SLAIN2: variants seen among roughly 807,000 people sequenced by gnomAD.
SLAIN2 encodes the protein SLAIN motif-containing protein 2.
A neutral mutation model predicts 56.6 loss-of-function variants in SLAIN2; 31 were observed. The observed-to-expected ratio is 0.55, with a 90% CI of 0.41 to 0.74. SLAIN2 has a LOEUF of 0.74. SLAIN2 is among the 30% of genes least tolerant of loss of function. The pLI is 0.00. For synonymous variants in SLAIN2, 317 were observed against 284.9 expected (o/e 1.11, Z -1.13); for missense variants, 777 against 754.2 (o/e 1.03, Z -0.35).
At chr4:48,362,732 C>CTTTTTTTTTTTTTTTTATTCTTT (rs397716685) in intron 1 of SLAIN2, among the ~76,000 whole-genome samples, 1 of 116,412 alleles carries the variant, frequency 8.6e-6, no homozygotes, top group African/African-American at 3.3e-5. Context: ...TTTTAAATTT[C>CTTTTTTTTTTTTTTTTATTCTTT]TTTTTTTTTT....
chr4:48,405,398 G>A (rs1019614453), intron 6 of SLAIN2, among the ~76,000 whole-genome samples: 13 of 151,516 alleles, frequency 8.6e-5, no homozygotes, highest in African/African-American at 2.9e-4. Context: ...TTACTTTATC[G>A]TTTTCTTCCA....
intron 5 of SLAIN2, among the ~76,000 whole-genome samples, chr4:48,383,245 T>C (rs970037455): frequency 1.3e-5 from 2 of 150,832 alleles, no homozygotes. Context: ...ATGAAAGTAA[T>C]ACAATTTTTG....
intron 6 of SLAIN2, among the ~76,000 whole-genome samples, chr4:48,392,691 G>A (rs1189387345): frequency 2.0e-5 from 3 of 151,882 alleles, no homozygotes; most frequent in Non-Finnish European, 4.4e-5. Flanking sequence ...CTATGCAAAT[G>A]TCATCTTAGG....
intron 6 of SLAIN2, among the ~76,000 whole-genome samples, chr4:48,403,892 G>C (rs1473174577): frequency 6.6e-6 from 1 of 152,174 alleles, no homozygotes; most frequent in Admixed American, 6.5e-5. Flanking sequence ...CTGTGGTGGC[G>C]TGGGCTTGTG....
At chr4:48,396,865 GA>G (rs1408340459) in intron 6 of SLAIN2, among the ~76,000 whole-genome samples, 5 of 152,170 alleles carry the variant, frequency 3.3e-5, no homozygotes, top group African/African-American at 9.7e-5. Flanking sequence ...TTTGAAAATG[GA>G]AAGTAAGAAC....
intron 6 of SLAIN2, among the ~76,000 whole-genome samples, chr4:48,390,266 A>G (rs576446763): frequency 4.1e-4 from 62 of 151,884 alleles, no homozygotes; most frequent in South Asian, 2.3e-3. Context: ...TTTAGTAGAG[A>G]TGGAGTTTCA....
At chr4:48,390,070 CTTTTT>C (rs1716196675) in intron 6 of SLAIN2, among the ~76,000 whole-genome samples, 1 of 144,708 alleles carries the variant, frequency 6.9e-6, no homozygotes, top group Non-Finnish European at 1.5e-5. Context: ...ATTTTGTTTT[CTTTTT>C]TTCTTTTTCT....
chr4:48,397,612 G>T (rs899314564), intron 6 of SLAIN2, among the ~76,000 whole-genome samples: 1 of 152,078 alleles, frequency 6.6e-6, no homozygotes, highest in Non-Finnish European at 1.5e-5. Context: ...CTATCACCTA[G>T]GTATTAAGCC....
At chr4:48,410,519 C>T (rs754221026) in intron 6 of SLAIN2, among the ~76,000 whole-genome samples, 6 of 152,120 alleles carry the variant, frequency 3.9e-5, no homozygotes, top group Non-Finnish European at 8.8e-5. Flanking sequence ...CTAGTCATTA[C>T]TCCTGTTCCT....
At chr4:48,363,636 C>T (rs1280585104) in intron 1 of SLAIN2, among the ~76,000 whole-genome samples, 1 of 109,666 alleles carries the variant, frequency 9.1e-6, no homozygotes, top group African/African-American at 3.5e-5. Flanking sequence ...CCCCACCTCC[C>T]TCCCGGACGG....
intron 1 of SLAIN2, among the ~76,000 whole-genome samples, chr4:48,347,168 C>T (rs988618898): frequency 2.7e-5 from 4 of 150,708 alleles, no homozygotes; most frequent in Admixed American, 2.6e-4. Context: ...ATATTGCAGT[C>T]ACTGTGGTGT....
At chr4:48,387,633 A>G (rs1027325537) in intron 6 of SLAIN2, among the ~76,000 whole-genome samples, 10 of 152,012 alleles carry the variant, frequency 6.6e-5, no homozygotes, top group African/African-American at 2.4e-4. Context: ...GTATAGAATT[A>G]TACTGTTCTC....
chr4:48,364,364 C>A (rs1022021356), intron 1 of SLAIN2, among the ~76,000 whole-genome samples: 8 of 84,696 alleles, frequency 9.4e-5, no homozygotes, highest in African/African-American at 3.3e-4. Context: ...GGATGGCGGC[C>A]GGGTGGAGAC....
chr4:48,382,424 T>C, intron 4 of SLAIN2, 144 bp from the exon 5 acceptor site: 1 of 726,074 alleles, frequency 1.4e-6, no homozygotes, highest in South Asian at 3.1e-5. Context: ...TATAAGCCTA[T>C]ATAAGTCTAA....
intron 6 of SLAIN2, among the ~76,000 whole-genome samples, chr4:48,396,077 A>G (rs1222718589): frequency 1.3e-5 from 2 of 152,158 alleles, no homozygotes; most frequent in Non-Finnish European, 2.9e-5. Flanking sequence ...TGCTGTGTTG[A>G]TCAGGTTAAG....
intron 1 of SLAIN2, among the ~76,000 whole-genome samples, chr4:48,342,733 T>TTTTTTTTTA (rs1714753831): frequency 6.8e-6 from 1 of 147,370 alleles, no homozygotes; most frequent in African/African-American, 2.5e-5. Flanking sequence ...TTTTTTTTTT[T>TTTTTTTTTA]TTGTTACTCT....
intron 6 of SLAIN2, among the ~76,000 whole-genome samples, chr4:48,389,802 G>T (rs1304406404): frequency 6.6e-6 from 1 of 152,172 alleles, no homozygotes; most frequent in South Asian, 2.1e-4. Context: ...ATGAGGGGAT[G>T]ATAGCTATAG....
chr4:48,399,579 G>A (rs184741925), intron 6 of SLAIN2, among the ~76,000 whole-genome samples: 9 of 152,198 alleles, frequency 5.9e-5, no homozygotes, highest in Admixed American at 5.2e-4. Flanking sequence ...GTGGTCTTGT[G>A]CTGCTTTTCA....
rs542508489 is a variant in SLAIN2, at chr4:48,367,941, G to A, written c.390-1908G>A. Among the ~76,000 whole-genome samples, 7 of 150,956 alleles carry A rather than the reference G, an allele frequency of 4.6e-5. No individual in the cohort carries two copies. In the South Asian group the frequency reaches 1.5e-3, roughly 32 times the overall value. ...AACCTCATTCCCATTCCTACCTCCA[G>A]CCCTAGGCAACCACAAATCTCTTTT... On this transcript the variant is annotated intron_variant, in intron 1 of 7. Transcript: ENST00000264313.
Sources: allele counts gnomAD v4.1 joint callset (sites outside exome capture counted in the v4.1 genomes callset), GRCh38; gene constraint gnomAD v4.1.1; transcripts MANE v1.5; gene names NCBI Gene and HGNC (gene_info 2026-07-23, HGNC 2026-07-21).